COL4A5: variants seen among roughly 807,000 people sequenced by gnomAD.
The protein encoded by COL4A5 is collagen type IV alpha 5 chain.
COL4A5 carries 26 observed loss-of-function variants against 130.2 expected under a neutral mutation model. The observed-to-expected ratio is 0.20, with a 90% CI of 0.15 to 0.28. COL4A5 has a LOEUF of 0.28. Ranked by LOEUF, COL4A5 falls within the 10% of genes least tolerant of loss-of-function variation. The probability of loss-of-function intolerance (pLI) is 1.00; values close to 1 mark genes in which losing one functional copy is unlikely to be tolerated. For synonymous variants in COL4A5, 496 were observed against 439.6 expected (o/e 1.13, Z -1.60); for missense variants, 1,131 against 1,344.3 (o/e 0.84, Z 2.48).
chrX:108,542,997 T>C (rs2065574180), intron 2 of COL4A5, among the ~76,000 whole-genome samples: 1 of 111,048 alleles, frequency 9.0e-6, no homozygotes, highest in South Asian at 3.8e-4. Flanking sequence ...CATTGTAGAT[T>C]CTGGATATTA....
chrX:108,635,736 C>A (rs1392961248), intron 36 of COL4A5, among the ~76,000 whole-genome samples: 4 of 112,087 alleles, frequency 3.6e-5, no homozygotes, highest in African/African-American at 1.3e-4. Context: ...CAGAAATACC[C>A]ATACATTTTT....
At chrX:108,487,378 G>A (rs1358087289) in intron 1 of COL4A5, among the ~76,000 whole-genome samples, 1 of 91,984 alleles carries the variant, frequency 1.1e-5, no homozygotes, top group Non-Finnish European at 2.1e-5. Flanking sequence ...CAATAAAAGC[G>A]AAACTCTGTC....
chrX:108,621,865 G>A lies in COL4A5; in HGVS notation c.2740G>A (p.Gly914Ser). 2 of 1,207,679 alleles carry A rather than the reference G, an allele frequency of 1.7e-6. No individual in the cohort carries two copies. Among genetic ancestry groups the A allele is most frequent in the Non-Finnish European group, 2.2e-6 (2 of 892,029 alleles). The change falls in exon 32 of 53, where the codon GGC becomes AGC. Residue 914 changes from glycine (G) to serine (S), a missense_variant. Physicochemically the swap from Gly to Ser is moderately conservative, Grantham distance 56. Transcript: ENST00000328300. ...CCCACCAGGACCTTTGGGAATTCCT[G>A]GCAGGAGTGGTGTACCTGGTCTTAA... ...PGPPGPLGIP[G>S]RSGVPGLKGD...
chrX:108,679,437 AT>A (rs2068378977), intron 44 of COL4A5, among the ~76,000 whole-genome samples: 1 of 110,346 alleles, frequency 9.1e-6, no homozygotes, highest in African/African-American at 3.3e-5. Context: ...TTTTTGACTC[AT>A]TTTTTCTCAT....
At chrX:108,498,970 C>T (rs1353987412) in intron 1 of COL4A5, among the ~76,000 whole-genome samples, 2 of 111,052 alleles carry the variant, frequency 1.8e-5, no homozygotes, top group Non-Finnish European at 3.8e-5. Flanking sequence ...TTGCTCTTCC[C>T]TTTTCAATTA....
At chrX:108,484,770 T>A (rs931873075) in intron 1 of COL4A5, among the ~76,000 whole-genome samples, 5 of 112,409 alleles carry the variant, frequency 4.4e-5, no homozygotes, top group African/African-American at 1.6e-4. Context: ...CAGCACTGTG[T>A]CTCATCCAAG....
In COL4A5 at chrX:108,465,337, T is replaced by G. The variant is rs1042520593; in HGVS notation, c.81+25131T>G. 4.5e-5 allele frequency among the ~76,000 whole-genome samples: 5 copies of G among 112,267 alleles called. No individual in the cohort carries two copies. The Admixed American group carries it at 4.7e-4, about 11-fold the overall frequency. On this transcript the variant is annotated intron_variant, in intron 1 of 52. Transcript: ENST00000328300. ...TGGTATCTTGTTGTTTTAATTTGCT[T>G]TTTCTGATGTTGAGCATATTTTCAT... is the stretch of plus-strand genomic sequence containing the variant.
intron 1 of COL4A5, among the ~76,000 whole-genome samples, chrX:108,536,259 T>TTGTG (rs113018683): frequency 1.9e-5 from 2 of 106,109 alleles, no homozygotes; most frequent in South Asian, 4.0e-4. Context: ...CATATAGTAG[T>TTGTG]TGTGTGTGTG....
intron 46 of COL4A5, 95 bp from the exon 47 acceptor site, chrX:108,681,665 C>G: frequency 9.0e-7 from 1 of 1,112,855 alleles, no homozygotes; most frequent in Non-Finnish European, 1.2e-6. Context: ...ACTGGTTTCT[C>G]TCACACCAAT....
At chrX:108,575,814 G>A (rs2066136252) in intron 9 of COL4A5, 96 bp from the exon 10 acceptor site, 3 of 607,648 alleles carry the variant, frequency 4.9e-6, no homozygotes. Flanking sequence ...TCCAGCCTGG[G>A]CGACACAAGT....
At chrX:108,482,882 T>A (rs1440030741) in intron 1 of COL4A5, among the ~76,000 whole-genome samples, 1 of 111,765 alleles carries the variant, frequency 8.9e-6, no homozygotes, top group Non-Finnish European at 1.9e-5. Context: ...GGCTTCATTA[T>A]GTTCCTTGGT....
Position 108,584,517 on chromosome X carries a change from C to T in COL4A5, c.1024C>T (p.Pro342Ser), listed in dbSNP as rs2066302428. 8.3e-7 allele frequency: 1 copy of T among 1,200,607 alleles called. No homozygotes were observed. Among genetic ancestry groups the T allele is most frequent in the Non-Finnish European group, 1.1e-6 (1 of 891,241 alleles). ...QKGDTGPPGP[P>S]GLVIPRPGTG... ...AGGTGACACTGGCCCACCTGGACCT[C>T]CTGGACTTGTAAGTTTTTTTTTTTT... The change falls in exon 18 of 53, where the codon CCT (proline) becomes TCT (serine). Residue 342 changes from proline to serine, a missense_variant. Physicochemically the swap from Pro to Ser is moderately conservative, Grantham distance 74 (BLOSUM62 -1). Transcript: ENST00000328300.
At chrX:108,609,155 G>C (rs940498915) in intron 29 of COL4A5, among the ~76,000 whole-genome samples, 1 of 111,856 alleles carries the variant, frequency 8.9e-6, no homozygotes, top group Non-Finnish European at 1.9e-5. Context: ...AAACAACTAA[G>C]AGCAGATTTG....
intron 1 of COL4A5, among the ~76,000 whole-genome samples, chrX:108,463,390 G>GC (rs907209059): frequency 9.0e-6 from 1 of 111,386 alleles, no homozygotes; most frequent in Non-Finnish European, 1.9e-5. Context: ...ACCTATTACT[G>GC]CCCCAATCCC....
chrX:108,583,682 T>C (rs2066286459), intron 17 of COL4A5, among the ~76,000 whole-genome samples: 1 of 111,357 alleles, frequency 9.0e-6, no homozygotes, highest in South Asian at 3.8e-4. Context: ...AAAGGCACAA[T>C]TAGAATAGAT....
At chrX:108,636,989 T>A (rs1250816395) in intron 36 of COL4A5, among the ~76,000 whole-genome samples, 1 of 102,454 alleles carries the variant, frequency 9.8e-6, no homozygotes, top group African/African-American at 3.6e-5. Flanking sequence ...GTTACCCAGG[T>A]TGGAGTGCAG....
intron 28 of COL4A5, among the ~76,000 whole-genome samples, chrX:108,604,980 A>AG (rs1569495462): frequency 9.8e-5 from 11 of 112,202 alleles, no homozygotes; most frequent in Non-Finnish European, 2.1e-4. Flanking sequence ...GCTCTGGATT[A>AG]GGTTTTTGCT....
chrX:108,468,065 A>G (rs1034567260), intron 1 of COL4A5, among the ~76,000 whole-genome samples: 2 of 111,822 alleles, frequency 1.8e-5, no homozygotes, highest in African/African-American at 3.2e-5. Flanking sequence ...TTTATGTTTT[A>G]TATACATCTT....
In COL4A5 at chrX:108,591,489, G is replaced by T. The variant is rs919369213; in HGVS notation, c.1340-72G>T. On this transcript the variant is annotated intron_variant, in intron 20 of 52. Coordinates refer to ENST00000328300, the MANE Select transcript of COL4A5 (RefSeq NM_033380.3). ...CAGAGAATAGGTCTTTTTCTGGCTT[G>T]TCAGGCTTTCTTTTGTTTAATCTTC... 4.1e-5 allele frequency: 37 copies of T among 909,438 alleles called. No individual in the cohort carries two copies. The highest frequency in any genetic ancestry group is 1.9e-4 in the East Asian group (6 of 32,169). 74.9% of individuals were successfully genotyped at this position (909,438 alleles called of 1,213,427 possible).
Sources: gnomAD v4.1 joint callset for allele counts (sites outside exome capture counted in the v4.1 genomes callset) on GRCh38, gnomAD v4.1.1 for gene constraint, MANE v1.5 for transcripts, NCBI Gene and HGNC (gene_info 2026-07-23, HGNC 2026-07-21) for gene names.